CADM2: variants seen among roughly 807,000 people sequenced by gnomAD.
CADM2 encodes cell adhesion molecule 2.
A neutral mutation model predicts 49.8 loss-of-function variants in CADM2; 12 were observed. The observed-to-expected ratio is 0.24, with a 90% CI of 0.15 to 0.39. The LOEUF (loss-of-function observed/expected upper bound fraction) is 0.39, where lower values mean the gene tolerates loss of function less well. Among genes scored for constraint, CADM2 ranks in the 10% least tolerant of loss-of-function variants. CADM2 has a pLI of 1.00. For missense variants in CADM2, 378 were observed against 492.3 expected (o/e 0.77, Z 2.20); for synonymous variants, 214 against 175.4 (o/e 1.22, Z -1.74).
intron 1 of CADM2, among the ~76,000 whole-genome samples, chr3:85,216,382 C>T (rs2041927494): frequency 6.9e-6 from 1 of 144,068 alleles, no homozygotes; most frequent in African/African-American, 2.6e-5. Context: ...TATTAATGTA[C>T]ACTTATATTA....
intron 1 of CADM2, among the ~76,000 whole-genome samples, chr3:85,639,011 G>A (rs1386863617): frequency 1.3e-5 from 2 of 152,082 alleles, no homozygotes; most frequent in Non-Finnish European, 2.9e-5. Flanking sequence ...AGGTTACAGA[G>A]TACATTCCTG....
At chr3:84,998,796 A>G (rs1291331829) in intron 1 of CADM2, among the ~76,000 whole-genome samples, 1 of 152,134 alleles carries the variant, frequency 6.6e-6, no homozygotes, top group Admixed American at 6.6e-5. Context: ...GCTAATCTCA[A>G]TTTGGCACCA....
chr3:85,367,812 C>CATAT (rs35671730), intron 1 of CADM2, among the ~76,000 whole-genome samples: 72 of 119,934 alleles, frequency 6.0e-4, no homozygotes, highest in Middle Eastern at 4.3e-3. Flanking sequence ...GTTTCTAGTA[C>CATAT]ATATATATAT....
intron 1 of CADM2, among the ~76,000 whole-genome samples, chr3:85,053,121 G>A (rs1189464569): frequency 2.0e-5 from 3 of 152,014 alleles, no homozygotes; most frequent in Non-Finnish European, 4.4e-5. Flanking sequence ...GATAGGCAAA[G>A]TATTTGCCAA....
intron 1 of CADM2, among the ~76,000 whole-genome samples, chr3:85,657,274 C>T (rs1192973624): frequency 2.0e-5 from 3 of 152,052 alleles, no homozygotes; most frequent in African/African-American, 7.2e-5. Flanking sequence ...TTTGAGTTTT[C>T]AGCTTTGGTT....
chr3:85,568,839 T>C (rs2062395333), intron 1 of CADM2, among the ~76,000 whole-genome samples: 1 of 151,874 alleles, frequency 6.6e-6, no homozygotes, highest in Non-Finnish European at 1.5e-5. Flanking sequence ...AACTCCTGAC[T>C]TCAGGTGATC....
chr3:85,591,805 C>T (rs2063116226), intron 1 of CADM2, among the ~76,000 whole-genome samples: 1 of 151,972 alleles, frequency 6.6e-6, no homozygotes. Context: ...TTGTAAAATA[C>T]ACTTTGTTCC....
At chr3:85,660,592 T>A (rs764564428) in intron 1 of CADM2, among the ~76,000 whole-genome samples, 1 of 152,072 alleles carries the variant, frequency 6.6e-6, no homozygotes, top group African/African-American at 2.4e-5. Flanking sequence ...TACTACACTT[T>A]GATCATTTCA....
chr3:85,054,975 T>C (rs745375169), intron 1 of CADM2, among the ~76,000 whole-genome samples: 2 of 151,936 alleles, frequency 1.3e-5, no homozygotes, highest in Non-Finnish European at 2.9e-5. Flanking sequence ...GTTGTGGCCT[T>C]ATAAATAGAA....
At chr3:86,000,404 A>G (rs1398072354) in intron 8 of CADM2, among the ~76,000 whole-genome samples, 1 of 152,196 alleles carries the variant, frequency 6.6e-6, no homozygotes, top group Non-Finnish European at 1.5e-5. Context: ...ATCTATTTCT[A>G]TCAGGTATTA....
intron 8 of CADM2, among the ~76,000 whole-genome samples, chr3:86,019,855 T>A (rs545079309): frequency 6.6e-6 from 1 of 152,226 alleles, no homozygotes; most frequent in Admixed American, 6.5e-5. Context: ...CTTCTCCTAA[T>A]TGAATACCCT....
intron 1 of CADM2, among the ~76,000 whole-genome samples, chr3:85,132,202 T>TA (rs1290445279): frequency 6.6e-6 from 1 of 152,246 alleles, no homozygotes; most frequent in African/African-American, 2.4e-5. Context: ...CAGTTTCTGA[T>TA]AAACTTACAA....
chr3:85,597,992 T>C (rs567917402), intron 1 of CADM2, among the ~76,000 whole-genome samples: 193 of 152,162 alleles, frequency 1.3e-3, no homozygotes, highest in Non-Finnish European at 2.4e-3. Context: ...TTACAGATTC[T>C]CTTTTTGTAA....
At chr3:85,336,122 G>A in intron 1 of CADM2, among the ~76,000 whole-genome samples, 1 of 151,298 alleles carries the variant, frequency 6.6e-6, no homozygotes, top group African/African-American at 2.4e-5. Flanking sequence ...TGACGTCATT[G>A]CTTTTACTTT....
intron 8 of CADM2, among the ~76,000 whole-genome samples, chr3:85,991,986 G>A (rs566394326): frequency 2.3e-4 from 35 of 151,892 alleles, no homozygotes; most frequent in African/African-American, 8.4e-4. Context: ...AAATGTTTGG[G>A]ATATTATCTA....
At chr3:85,113,083 C>T (rs572116637) in intron 1 of CADM2, among the ~76,000 whole-genome samples, 35 of 151,998 alleles carry the variant, frequency 2.3e-4, no homozygotes, top group Non-Finnish European at 4.7e-4. Flanking sequence ...CTTTCTTCTT[C>T]AGCTCATTGT....
intron 1 of CADM2, among the ~76,000 whole-genome samples, chr3:85,074,458 A>C (rs2107482033): frequency 6.6e-6 from 1 of 151,964 alleles, no homozygotes; most frequent in South Asian, 2.1e-4. Flanking sequence ...TCCCTCCCTT[A>C]TGTTGTTTAT....
chr3:85,262,255 A>G (rs2043028381), intron 1 of CADM2, among the ~76,000 whole-genome samples: 1 of 152,072 alleles, frequency 6.6e-6, no homozygotes, highest in Admixed American at 6.6e-5. Flanking sequence ...CAATTTCAGG[A>G]TTTTAATTTT....
intron 1 of CADM2, among the ~76,000 whole-genome samples, chr3:85,496,857 A>C (rs2039926130): frequency 6.6e-6 from 1 of 151,674 alleles, no homozygotes; most frequent in Admixed American, 6.6e-5. Context: ...TTATTTTCTA[A>C]TTTTTTAGAT....
Sources: allele counts gnomAD v4.1 joint callset (sites outside exome capture counted in the v4.1 genomes callset), GRCh38; gene constraint gnomAD v4.1.1; transcripts MANE v1.5; gene names NCBI Gene and HGNC (gene_info 2026-07-23, HGNC 2026-07-21).